SEMA4D: variants seen among roughly 807,000 people sequenced by gnomAD.
The protein encoded by SEMA4D is semaphorin 4D.
A neutral mutation model predicts 74.8 loss-of-function variants in SEMA4D; 22 were observed. That is an observed-to-expected ratio of 0.29 (90% CI 0.21 to 0.42). SEMA4D has a LOEUF of 0.42. SEMA4D is among the 10% of genes least tolerant of loss of function. SEMA4D has a pLI of 1.00. For missense variants in SEMA4D, 937 were observed against 1,118.4 expected (o/e 0.84, Z 2.31); for synonymous variants, 445 against 463.7 (o/e 0.96, Z 0.52).
intron 2 of SEMA4D, among the ~76,000 whole-genome samples, chr9:89,441,117 T>G (rs557288695): frequency 8.5e-5 from 13 of 152,258 alleles, no homozygotes; most frequent in Non-Finnish European, 1.8e-4. Context: ...CGCCCTCTGC[T>G]GCGTCCACTG....
At chr9:89,449,438 C>G in intron 2 of SEMA4D, 1 of 600,402 alleles carries the variant, frequency 1.7e-6, no homozygotes, top group Non-Finnish European at 3.1e-6. Flanking sequence ...AGACTAAGTT[C>G]GCGGCTTTCG....
At chr9:89,477,075 T>G (rs1020812906) in intron 1 of SEMA4D, among the ~76,000 whole-genome samples, 1 of 152,150 alleles carries the variant, frequency 6.6e-6, no homozygotes, top group Non-Finnish European at 1.5e-5. Context: ...AAAATACAAC[T>G]AAGACTTCCG....
chr9:89,485,827 A>C (rs1338539933), intron 1 of SEMA4D, among the ~76,000 whole-genome samples: 14 of 141,418 alleles, frequency 9.9e-5, no homozygotes, highest in African/African-American at 3.0e-4. Context: ...AAAAAAAAAA[A>C]CCACTAACCA....
At chr9:89,365,443 C>T (rs1337484062) in intron 16 of SEMA4D, 1 of 152,406 alleles carries the variant, frequency 6.6e-6, no homozygotes, top group East Asian at 1.9e-4. Context: ...TCCTCGAGGC[C>T]CACCAAGGCC....
chr9:89,418,250 AG>A, intron 2 of SEMA4D: 1 of 693,062 alleles, frequency 1.4e-6, no homozygotes, highest in South Asian at 6.5e-5. Context: ...CCTTAGACGC[AG>A]GATCAGCTTG....
chr9:89,375,371 A>G (rs917441093), downstream of SEMA4D, among the ~76,000 whole-genome samples: 21 of 152,162 alleles, frequency 1.4e-4, no homozygotes, highest in African/African-American at 4.8e-4. Context: ...GAGGGCAGGA[A>G]CCACACAAGC....
At position 89,414,812 on chromosome 9, in the gene SEMA4D, G is replaced by C. The variant is rs149255981; in HGVS notation, c.-243-9113C>G. 4.8e-3 allele frequency among the ~76,000 whole-genome samples: 729 copies of C among 152,350 alleles called. 4 individuals are homozygous for C. The highest frequency in any genetic ancestry group is 9.0e-3 in the Non-Finnish European group (614 of 68,036). On this transcript the variant is annotated intron_variant, in intron 2 of 15. Coordinates refer to ENST00000422704, the MANE Select transcript of SEMA4D (RefSeq NM_001371194.2). ...GACTCACCCAGCAGGGCAGCTGCCA[G>C]GACCAGTCTACTTCACCCTCAAGCC...
At chr9:89,469,338 CATGTT>C (rs771302131) in intron 1 of SEMA4D, among the ~76,000 whole-genome samples, 26,095 of 152,174 alleles carry the variant, frequency 0.17, 1 homozygote, top group East Asian at 0.27. Context: ...AGGTTCCTTA[CATGTT>C]TGGTAGAATT....
In SEMA4D at chr9:89,381,766, A is replaced by C. The variant is rs1438634153; in HGVS notation, c.1447-420T>G. On this transcript the variant is annotated intron_variant, in intron 13 of 15. Transcript: ENST00000422704. The surrounding 1 kb of genome is among the most constrained non-coding windows in gnomAD (Gnocchi z 4.6). ...ATAGGTGAGAAGGGGCTGCAGCCAG[A>C]GGCTGAAGCACACCACCTCGAAGCC... 1 of 157,484 alleles carries C rather than the reference A, an allele frequency of 6.3e-6. No individual in the cohort carries two copies. Among genetic ancestry groups the C allele is most frequent in the African/African-American group, 2.4e-5 (1 of 41,596 alleles). The allele number at this position is 157,484 out of a possible 1,614,324, so 9.8% of individuals were successfully genotyped here.
At chr9:89,371,333 GTC>G (rs1450220205) in intron 16 of SEMA4D, among the ~76,000 whole-genome samples, 2 of 133,638 alleles carry the variant, frequency 1.5e-5, no homozygotes, top group Non-Finnish European at 3.2e-5. Flanking sequence ...GTTGGTGTGT[GTC>G]TGGAGTGTGG....
At chr9:89,452,333 A>G (rs1228004744) in intron 2 of SEMA4D, among the ~76,000 whole-genome samples, 2 of 150,844 alleles carry the variant, frequency 1.3e-5, no homozygotes, top group African/African-American at 4.9e-5. Context: ...CGCCCACCAC[A>G]ATGCCCGGCT....
intron 2 of SEMA4D, among the ~76,000 whole-genome samples, chr9:89,455,507 G>T (rs1855722383): frequency 6.6e-6 from 1 of 152,140 alleles, no homozygotes; most frequent in African/African-American, 2.4e-5. Flanking sequence ...AGTCCTCAGG[G>T]GACAGTCCAG....
rs182011875 is a variant in SEMA4D, at chr9:89,483,625, G to A, written c.-310+14294C>T. Among the ~76,000 whole-genome samples, 25 of 149,220 alleles carry A rather than the reference G, an allele frequency of 1.7e-4. No individual in the cohort carries two copies. In the East Asian group the frequency reaches 4.6e-3, roughly 27 times the overall value. On this transcript the variant is annotated intron_variant, in intron 1 of 15. Coordinates refer to ENST00000422704, the MANE Select transcript of SEMA4D (RefSeq NM_001371194.2). The stretch of plus-strand genomic sequence containing the variant: ...GTCAGTAGTTCTCAATCTGGGGGTT[G>A]CAAACACAGTTTTTCAACAAATATA...
rs755077597 is a variant in SEMA4D at position 89,396,776 on chromosome 9, C to T, written c.375G>A (p.Val125=). Residue 125 remains valine, a synonymous_variant, in exon 6 of 16, where the codon GTG becomes GTA. Transcript: ENST00000422704. ...CCGGCTGGAATGCGTTGGTCCCACA[C>T]ACGTAAAGGGAAGTGGCGCTGAGTG... ...LQPLSATSLY[V]CGTNAFQPAC... 4.3e-6 allele frequency: 7 copies of T among 1,614,032 alleles called. 1 individual carries two copies. In the South Asian group the frequency reaches 6.6e-5, roughly 15 times the overall value.
chr9:89,422,928 A>T (rs1221573846), intron 2 of SEMA4D, among the ~76,000 whole-genome samples: 1 of 152,234 alleles, frequency 6.6e-6, no homozygotes, highest in Non-Finnish European at 1.5e-5. Context: ...AGTAGTCGTT[A>T]CAACCTGTAT....
At chr9:89,406,742 T>C (rs1160362417) in intron 2 of SEMA4D, among the ~76,000 whole-genome samples, 2 of 152,072 alleles carry the variant, frequency 1.3e-5, no homozygotes, top group Non-Finnish European at 2.9e-5. Context: ...CCCCCTTCTA[T>C]CCAGGAGTCC....
intron 2 of SEMA4D, chr9:89,418,644 T>C (rs1420311762): frequency 6.5e-6 from 1 of 154,722 alleles, no homozygotes; most frequent in East Asian, 1.9e-4. Flanking sequence ...CAAGGTTCCA[T>C]AGCATGGCTG....
chr9:89,393,529 T>C (rs775777577), intron 7 of SEMA4D, 33 bp downstream of exon 7: 7 of 1,541,996 alleles, frequency 4.5e-6, no homozygotes, highest in Non-Finnish European at 6.3e-6. Flanking sequence ...ACTGTAATCT[T>C]CACGGTGAAG....
At chr9:89,436,997 TG>T (rs574972012) in intron 2 of SEMA4D, among the ~76,000 whole-genome samples, 171 of 152,324 alleles carry the variant, frequency 1.1e-3, no homozygotes, top group African/African-American at 3.7e-3. Flanking sequence ...TGTCCAGCCT[TG>T]GACTCAGGAA....
Sources: allele counts gnomAD v4.1 joint callset (sites outside exome capture counted in the v4.1 genomes callset), GRCh38; gene constraint gnomAD v4.1.1; non-coding constraint Gnocchi (gnomAD v3.1); transcripts MANE v1.5; gene names NCBI Gene and HGNC (gene_info 2026-07-23, HGNC 2026-07-21).